Variants in PPP2R5E observed in about 807,000 individuals in gnomAD.
PPP2R5E encodes the protein protein phosphatase 2 regulatory subunit B'epsilon.
Under a neutral mutation model 65.3 loss-of-function variants are expected in PPP2R5E, and 4 were observed. The ratio of observed to expected loss-of-function variants is 0.06; its 90% CI spans 0.03 to 0.14. The LOEUF (loss-of-function observed/expected upper bound fraction) is 0.14. PPP2R5E is among the 10% of genes least tolerant of loss of function. The pLI is 1.00. For synonymous variants in PPP2R5E, 183 were observed against 187.4 expected, an observed-to-expected ratio of 0.98 and a Z score of 0.19; for missense variants, 274 against 556.1, an observed-to-expected ratio of 0.49 and a Z score of 5.10.
At position 63,467,233 on chromosome 14, in the gene PPP2R5E, AACAAACAAAC is replaced by A. The variant is rs1405056451; in HGVS notation, c.158-13358_158-13349del. On this transcript the variant is annotated intron_variant, in intron 2 of 13. Coordinates refer to ENST00000337537, the MANE Select transcript of PPP2R5E (RefSeq NM_006246.5). Reference sequence around the variant, plus strand: ...GCAAGACTCCGTCTCAAAAAAAACAAACAAACAAACAAAAAAAACACTATTTACAACATGT... The same window carrying A: ...GCAAGACTCCGTCTCAAAAAAAACAAAAAAAAAACACTATTTACAACATGT... 1.4e-4 allele frequency among the ~76,000 whole-genome samples: 18 copies of A among 131,220 alleles called. 3 individuals carry two copies. The highest frequency in any genetic ancestry group is 3.1e-4 in the African/African-American group (8 of 25,752). The allele number at this position is 131,220 out of a possible 152,430, so 86.1% of individuals were successfully genotyped here.
intron 3 of PPP2R5E, chr14:63,452,404 T>C (rs1404492751): frequency 6.6e-6 from 1 of 152,190 alleles, no homozygotes; most frequent in Non-Finnish European, 1.5e-5. Context: ...CCCGGTACAT[T>C]GTAAAATGTT....
At chr14:63,502,106 G>C (rs772182205) in intron 2 of PPP2R5E, among the ~76,000 whole-genome samples, 13 of 152,164 alleles carry the variant, frequency 8.5e-5, no homozygotes, top group Non-Finnish European at 1.9e-4. Flanking sequence ...TGTAGGCCAA[G>C]CTGGTCTCAA....
intron 5 of PPP2R5E, among the ~76,000 whole-genome samples, chr14:63,400,186 TGGGCGAGCTGTCAG>T (rs1270075696): frequency 6.6e-6 from 1 of 152,222 alleles, no homozygotes; most frequent in Non-Finnish European, 1.5e-5. Context: ...AGCCAGCCAG[TGGGCGAGCTGTCAG>T]GGATACAATG....
At chr14:63,479,297 T>C (rs8018721) in intron 2 of PPP2R5E, 49,663 of 151,826 alleles carry the variant, frequency 0.33, 10,833 homozygotes, top group African/African-American at 0.62. Flanking sequence ...GTGCTGTGGG[T>C]GGGGGAGGAG....
At position 63,522,780 on chromosome 14, in the gene PPP2R5E, C is replaced by A. The variant is rs549561436; in HGVS notation, c.157+16749G>T. ...CCCGTCTGAGAAGTGAGGAGCGTCA[C>A]CGCCCGGCAGCCACCCCGTCCAGGA... On this transcript the variant is annotated intron_variant, in intron 2 of 13. Coordinates refer to ENST00000337537, the MANE Select transcript of PPP2R5E (RefSeq NM_006246.5). Among the ~76,000 whole-genome samples the A allele has an allele frequency of 3.3e-5, 5 of 150,700 alleles. No homozygotes were observed. In the East Asian group the frequency reaches 8.1e-4, roughly 24 times the overall value.
intron 5 of PPP2R5E, among the ~76,000 whole-genome samples, chr14:63,412,774 C>T (rs1886465780): frequency 6.6e-6 from 1 of 152,086 alleles, no homozygotes; most frequent in South Asian, 2.1e-4. Context: ...TAGCCAAAGC[C>T]CCATTTAATA....
chr14:63,384,727 A>T (rs1884562447), intron 11 of PPP2R5E, among the ~76,000 whole-genome samples, 156 bp from the exon 12 acceptor site: 1 of 152,082 alleles, frequency 6.6e-6, no homozygotes, highest in South Asian at 2.1e-4. Context: ...ATATATATAT[A>T]TTTTTTGAGA....
Position 63,477,936 on chromosome 14 carries a change from A to G in PPP2R5E, c.158-24051T>C, listed in dbSNP as rs887308638. Among the ~76,000 whole-genome samples, 4 of 152,136 alleles carry G rather than the reference A, an allele frequency of 2.6e-5. 1 individual carries two copies. Among genetic ancestry groups the G allele is most frequent in the Non-Finnish European group, 5.9e-5 (4 of 68,006 alleles). ...TCCACGAGAGAAACAATGAAGTCCA[A>G]CTGATATTGCTCTTACACAAAACAT... On this transcript the variant is annotated intron_variant, in intron 2 of 13. Transcript: ENST00000337537.
At chr14:63,460,930 T>C (rs2139508615) in intron 2 of PPP2R5E, among the ~76,000 whole-genome samples, 1 of 152,354 alleles carries the variant, frequency 6.6e-6, no homozygotes, top group East Asian at 1.9e-4. Context: ...CAGTGATAAA[T>C]GCACACAGTG....
chr14:63,488,098 T>A (rs1410920573), intron 2 of PPP2R5E, among the ~76,000 whole-genome samples: 1 of 152,178 alleles, frequency 6.6e-6, no homozygotes, highest in African/African-American at 2.4e-5. Flanking sequence ...TTCCACCCCA[T>A]CTCACCCACA....
intron 2 of PPP2R5E, among the ~76,000 whole-genome samples, chr14:63,454,809 T>TTA (rs2139482732): frequency 6.6e-6 from 1 of 152,284 alleles, no homozygotes; most frequent in African/African-American, 2.4e-5. Flanking sequence ...GCAATGAAAA[T>TTA]TATAACCAGG....
chr14:63,388,909 T>C (rs1884839800), intron 11 of PPP2R5E, among the ~76,000 whole-genome samples: 1 of 152,204 alleles, frequency 6.6e-6, no homozygotes. Context: ...GAATCAAACC[T>C]AACGTGTGCT....
chr14:63,469,529 A>T (rs999217744), intron 2 of PPP2R5E, among the ~76,000 whole-genome samples: 9 of 137,632 alleles, frequency 6.5e-5, no homozygotes, highest in African/African-American at 2.0e-4. Context: ...CATCTCTACT[A>T]AAAAAATACA....
rs1295522869 is a variant in PPP2R5E, at chr14:63,373,492, C to T, written c.*2517G>A. 9.4e-5 allele frequency: 14 copies of T among 149,654 alleles called. No homozygotes were observed. The highest frequency in any genetic ancestry group is 2.6e-4 in the Admixed American group (4 of 15,120). 9.3% of individuals were successfully genotyped at this position (149,654 alleles called of 1,614,324 possible). On this transcript the variant is annotated 3_prime_UTR_variant, in exon 14 of 14. Transcript: ENST00000337537. ...CACAACATGACTAATGTCACATTGT[C>T]ACTTTCCATTAAAAAAGAAAAAGAC...
intron 5 of PPP2R5E, among the ~76,000 whole-genome samples, chr14:63,409,779 G>A (rs958475596): frequency 2.0e-5 from 3 of 152,198 alleles, no homozygotes; most frequent in Admixed American, 6.5e-5. Flanking sequence ...CGATTTTGAC[G>A]TGTCTCCTGT....
chr14:63,535,424 A>G (rs561078107), intron 2 of PPP2R5E, among the ~76,000 whole-genome samples: 23 of 152,200 alleles, frequency 1.5e-4, no homozygotes, highest in South Asian at 1.2e-3. Context: ...TCCATCTCAA[A>G]AAAAAAAGAA....
intron 2 of PPP2R5E, among the ~76,000 whole-genome samples, chr14:63,532,438 C>T (rs1418865973): frequency 6.6e-6 from 1 of 152,158 alleles, no homozygotes; most frequent in African/African-American, 2.4e-5. Context: ...ATTAAATTCA[C>T]CATATTTAAA....
intron 2 of PPP2R5E, among the ~76,000 whole-genome samples, chr14:63,481,936 A>G (rs1340609183): frequency 1.3e-5 from 2 of 152,210 alleles, no homozygotes; most frequent in African/African-American, 4.8e-5. Context: ...AATTCATTCA[A>G]TTTTTTAGAA....
intron 2 of PPP2R5E, among the ~76,000 whole-genome samples, chr14:63,507,427 A>G (rs966230262): frequency 3.9e-5 from 6 of 152,094 alleles, no homozygotes; most frequent in African/African-American, 1.4e-4. Flanking sequence ...TAAACATGGC[A>G]CTTCTCCCTT....
Sources: gnomAD v4.1 joint callset for allele counts (sites outside exome capture counted in the v4.1 genomes callset) on GRCh38, gnomAD v4.1.1 for gene constraint, MANE v1.5 for transcripts, NCBI Gene and HGNC (gene_info 2026-07-23, HGNC 2026-07-21) for gene names.